Variants in IGFBP7 observed in about 807,000 individuals in gnomAD.
The protein encoded by IGFBP7 is insulin like growth factor binding protein 7.
Under a neutral mutation model 29.4 loss-of-function variants are expected in IGFBP7, and 31 were observed. The observed-to-expected ratio is 1.05, with a 90% CI of 0.79 to 1.42. The LOEUF (loss-of-function observed/expected upper bound fraction) is 1.42, where lower values mean the gene tolerates loss of function less well. Among genes scored for constraint, IGFBP7 ranks in the 40% most tolerant of loss-of-function variants. IGFBP7 has a pLI of 0.00. For synonymous variants in IGFBP7, 172 were observed against 174.9 expected (o/e 0.98, Z 0.13); for missense variants, 393 against 395.5 (o/e 0.99, Z 0.05).
chr4:57,033,665 A>G (rs952922306), intron 2 of IGFBP7, among the ~76,000 whole-genome samples: 1 of 152,094 alleles, frequency 6.6e-6, no homozygotes, highest in East Asian at 1.9e-4. Context: ...GCCATGTTCA[A>G]CTGATGAACT....
intron 1 of IGFBP7, among the ~76,000 whole-genome samples, chr4:57,047,973 A>T (rs1724402579): frequency 6.6e-6 from 1 of 152,040 alleles, no homozygotes. Flanking sequence ...AGCTCAGGCA[A>T]CCTGCCTGCC....
At chr4:57,078,982 C>A (rs1035214603) in intron 1 of IGFBP7, among the ~76,000 whole-genome samples, 3 of 152,200 alleles carry the variant, frequency 2.0e-5, no homozygotes, top group South Asian at 2.1e-4. Flanking sequence ...CAATTCAATA[C>A]CTCCTGCTGC....
At chr4:57,088,998 T>C (rs1430057846) in intron 1 of IGFBP7, among the ~76,000 whole-genome samples, 4 of 144,858 alleles carry the variant, frequency 2.8e-5, no homozygotes, top group Admixed American at 7.5e-5. Flanking sequence ...CACCACTGCA[T>C]TCCAGCCTGA....
intron 1 of IGFBP7, among the ~76,000 whole-genome samples, chr4:57,047,296 G>A (rs1724386414): frequency 6.6e-6 from 1 of 152,202 alleles, no homozygotes; most frequent in Admixed American, 6.5e-5. Flanking sequence ...TGCCATGTAA[G>A]ATGTGACTTT....
intron 1 of IGFBP7, among the ~76,000 whole-genome samples, chr4:57,060,555 A>G (rs999655439): frequency 6.6e-6 from 1 of 152,182 alleles, no homozygotes; most frequent in Non-Finnish European, 1.5e-5. Flanking sequence ...CTCAGGCACC[A>G]GTTACCCCAG....
At chr4:57,077,571 G>A (rs1725258226) in intron 1 of IGFBP7, among the ~76,000 whole-genome samples, 1 of 152,148 alleles carries the variant, frequency 6.6e-6, no homozygotes. Context: ...AGCCACCACA[G>A]CTGACCAAAA....
chr4:57,088,791 G>A (rs947842865), intron 1 of IGFBP7, among the ~76,000 whole-genome samples: 3 of 152,000 alleles, frequency 2.0e-5, no homozygotes, highest in Non-Finnish European at 2.9e-5. Context: ...CATTTTGGGA[G>A]GTCAAGGCAG....
At chr4:57,061,060 AAAC>A (rs796343048) in intron 1 of IGFBP7, among the ~76,000 whole-genome samples, 10 of 123,918 alleles carry the variant, frequency 8.1e-5, no homozygotes, top group African/African-American at 1.5e-4. Flanking sequence ...CGTCTCTGAA[AAAC>A]AAAAAAAATT....
intron 1 of IGFBP7, among the ~76,000 whole-genome samples, chr4:57,081,377 A>AC (rs1005113166): frequency 1.3e-5 from 2 of 151,358 alleles, no homozygotes; most frequent in African/African-American, 4.9e-5. Context: ...GCTTAGATTT[A>AC]CCCCCCACCA....
intron 2 of IGFBP7, among the ~76,000 whole-genome samples, chr4:57,037,576 C>G (rs1366938488): frequency 6.6e-6 from 1 of 151,992 alleles, no homozygotes; most frequent in African/African-American, 2.4e-5. Context: ...GCCCTGAGGA[C>G]AAGCACTCAG....
intron 1 of IGFBP7, among the ~76,000 whole-genome samples, chr4:57,055,714 T>G (rs1724648963): frequency 6.6e-6 from 1 of 152,154 alleles, no homozygotes; most frequent in South Asian, 2.1e-4. Flanking sequence ...CCTGTCCCTC[T>G]TCTGCCCTCC....
intron 1 of IGFBP7, among the ~76,000 whole-genome samples, chr4:57,089,220 T>C (rs1479121081): frequency 6.6e-6 from 1 of 152,190 alleles, no homozygotes; most frequent in Admixed American, 6.6e-5. Context: ...GAGGATGAAT[T>C]GAAGTTTATA....
At chr4:57,047,182 T>C (rs1043911110) in intron 1 of IGFBP7, among the ~76,000 whole-genome samples, 2 of 152,196 alleles carry the variant, frequency 1.3e-5, no homozygotes, top group Non-Finnish European at 2.9e-5. Context: ...AATTGAATCA[T>C]GGGGACAGGT....
chr4:57,076,969 A>G (rs1350107724), intron 1 of IGFBP7, among the ~76,000 whole-genome samples: 2 of 152,188 alleles, frequency 1.3e-5, no homozygotes, highest in Admixed American at 1.3e-4. Flanking sequence ...CAATCAAATG[A>G]TGGCTTGATT....
At chr4:57,035,722 A>G (rs533180847) in intron 2 of IGFBP7, among the ~76,000 whole-genome samples, 9 of 152,290 alleles carry the variant, frequency 5.9e-5, no homozygotes, top group African/African-American at 2.2e-4. Flanking sequence ...TGGCCTCCCA[A>G]AGTGCTGGGA....
At chr4:57,088,845 C>T (rs897764998) in intron 1 of IGFBP7, among the ~76,000 whole-genome samples, 23 of 151,940 alleles carry the variant, frequency 1.5e-4, no homozygotes, top group African/African-American at 5.6e-4. Context: ...GCCTGGCCAA[C>T]GTGCTGAAAC....
chr4:57,095,170 G>A (rs769959042), intron 1 of IGFBP7, among the ~76,000 whole-genome samples: 9 of 152,172 alleles, frequency 5.9e-5, no homozygotes, highest in Non-Finnish European at 1.0e-4. Context: ...GGCTTGAGCT[G>A]CAGTGCTTGC....
chr4:57,082,286 G>C (rs1440591923), intron 1 of IGFBP7, among the ~76,000 whole-genome samples: 1 of 152,194 alleles, frequency 6.6e-6, no homozygotes, highest in East Asian at 1.9e-4. Context: ...AGAGAAGGCT[G>C]AGTTTACAAA....
At chr4:57,076,494 A>G (rs903434091) in intron 1 of IGFBP7, among the ~76,000 whole-genome samples, 1 of 152,194 alleles carries the variant, frequency 6.6e-6, no homozygotes, top group Non-Finnish European at 1.5e-5. Flanking sequence ...TGAAGCCAGA[A>G]AGCTAAGAAG....
Sources: gnomAD v4.1 joint callset for allele counts (sites outside exome capture counted in the v4.1 genomes callset) on GRCh38, gnomAD v4.1.1 for gene constraint, MANE v1.5 for transcripts, NCBI Gene and HGNC (gene_info 2026-07-23, HGNC 2026-07-21) for gene names.